The following MIPEP variants were observed in gnomAD, a reference collection of about 807,000 sequenced individuals.
MIPEP encodes the protein mitochondrial intermediate peptidase.
A neutral mutation model predicts 90.3 loss-of-function variants in MIPEP; 79 were observed. That is an observed-to-expected ratio of 0.87 (90% confidence interval 0.73 to 1.05). The LOEUF (loss-of-function observed/expected upper bound fraction) is 1.05, where lower values mean the gene tolerates loss of function less well. Among genes scored for constraint, MIPEP ranks in the 50% least tolerant of loss-of-function variants. MIPEP has a pLI of 0.00. For synonymous variants in MIPEP, 334 were observed against 315.8 expected, an observed-to-expected ratio of 1.06 and a Z score of -0.61; for missense variants, 940 against 905.6, an observed-to-expected ratio of 1.04 and a Z score of -0.49.
Position 23,819,390 on chromosome 13 carries a change from G to A in MIPEP, c.1654-9466C>T, listed in dbSNP as rs191165920. On this transcript the variant is annotated intron_variant, in intron 14 of 18. Coordinates refer to ENST00000382172, the MANE Select transcript of MIPEP (RefSeq NM_005932.4). ...AAGAGGAACCTGATGCTAATCAATC[G>A]GCTTTTTTTTCTGGTGTTCTGTTTC... Among the ~76,000 whole-genome samples the A allele has an allele frequency of 5.4e-4, 82 of 152,232 alleles. 1 individual carries two copies. The highest frequency in any genetic ancestry group is 1.9e-3 in the African/African-American group (77 of 41,542).
chr13:23,861,383 A>C (rs928248568), intron 9 of MIPEP, among the ~76,000 whole-genome samples: 5 of 152,208 alleles, frequency 3.3e-5, no homozygotes, highest in Admixed American at 2.0e-4. Flanking sequence ...AAATAAGCCT[A>C]CCTACCAGGT....
intron 14 of MIPEP, among the ~76,000 whole-genome samples, chr13:23,824,735 G>A (rs1267900178): frequency 6.6e-6 from 1 of 152,144 alleles, no homozygotes; most frequent in African/African-American, 2.4e-5. Context: ...TGTTGGCTAG[G>A]CCCAAGGAGA....
intron 10 of MIPEP, among the ~76,000 whole-genome samples, chr13:23,855,154 A>C (rs949777632): frequency 6.6e-6 from 1 of 152,166 alleles, no homozygotes; most frequent in African/African-American, 2.4e-5. Context: ...TCAAAAATAA[A>C]ATTTAATTTC....
At chr13:23,847,216 T>C (rs1319716728) in intron 10 of MIPEP, among the ~76,000 whole-genome samples, 3 of 152,202 alleles carry the variant, frequency 2.0e-5, no homozygotes, top group African/African-American at 7.2e-5. Context: ...TTTCCCAAAA[T>C]GCTTTCAAGA....
chr13:23,846,729 T>C (rs1021444535), intron 10 of MIPEP, among the ~76,000 whole-genome samples: 16 of 152,208 alleles, frequency 1.1e-4, no homozygotes, highest in African/African-American at 3.6e-4. Flanking sequence ...GTTTTGGATT[T>C]TGAAGCATTT....
intron 7 of MIPEP, among the ~76,000 whole-genome samples, chr13:23,865,340 G>T (rs1870484997): frequency 1.3e-5 from 2 of 152,124 alleles, no homozygotes; most frequent in Admixed American, 6.6e-5. Flanking sequence ...TGAAATAAAA[G>T]ACTAAGGAAA....
At chr13:23,800,638 T>C (rs1347366847) in intron 16 of MIPEP, among the ~76,000 whole-genome samples, 2 of 152,212 alleles carry the variant, frequency 1.3e-5, no homozygotes, top group African/African-American at 4.8e-5. Flanking sequence ...ATCAATAAAT[T>C]GCCGACACTA....
intron 14 of MIPEP, among the ~76,000 whole-genome samples, chr13:23,821,092 A>G (rs1194627300): frequency 1.3e-5 from 2 of 152,194 alleles, no homozygotes; most frequent in South Asian, 2.1e-4. Context: ...ATTTTTTCAG[A>G]TATCACCTAT....
intron 16 of MIPEP, among the ~76,000 whole-genome samples, chr13:23,766,696 C>T (rs921912623): frequency 2.0e-5 from 3 of 152,158 alleles, no homozygotes; most frequent in African/African-American, 7.2e-5. Flanking sequence ...AATAACAGTG[C>T]CCAACAGACA....
At chr13:23,807,449 G>T (rs934066587) in intron 15 of MIPEP, among the ~76,000 whole-genome samples, 60 of 152,090 alleles carry the variant, frequency 3.9e-4, no homozygotes, top group African/African-American at 1.4e-3. Flanking sequence ...GGATTAGTTT[G>T]GTTAAAAGAG....
intron 14 of MIPEP, among the ~76,000 whole-genome samples, chr13:23,815,782 T>G (rs1953226624): frequency 6.6e-6 from 1 of 152,238 alleles, no homozygotes; most frequent in Admixed American, 6.5e-5. Context: ...TCTATTAATA[T>G]CTTCGATATT....
At chr13:23,778,736 G>A (rs1250675715) in intron 16 of MIPEP, among the ~76,000 whole-genome samples, 1 of 112,450 alleles carries the variant, frequency 8.9e-6, no homozygotes, top group Non-Finnish European at 2.0e-5. Flanking sequence ...AATAATACAT[G>A]ACATCTGCTT....
At chr13:23,872,446 A>G (rs1870857989) in intron 5 of MIPEP, among the ~76,000 whole-genome samples, 1 of 152,328 alleles carries the variant, frequency 6.6e-6, no homozygotes, top group Non-Finnish European at 1.5e-5. Context: ...GGGAAACAAG[A>G]GTGAAACTCT....
intron 16 of MIPEP, among the ~76,000 whole-genome samples, chr13:23,774,741 T>C (rs1213329807): frequency 6.6e-6 from 1 of 151,586 alleles, no homozygotes; most frequent in Non-Finnish European, 1.5e-5. Flanking sequence ...TTTTTGCATA[T>C]TGATCTCATA....
intron 16 of MIPEP, among the ~76,000 whole-genome samples, chr13:23,777,122 A>C (rs887704674): frequency 1.3e-5 from 2 of 152,194 alleles, no homozygotes; most frequent in African/African-American, 2.4e-5. Context: ...AAGATGGGTG[A>C]TCTCGTGGCT....
At chr13:23,853,300 A>G (rs1869889923) in intron 10 of MIPEP, among the ~76,000 whole-genome samples, 1 of 152,132 alleles carries the variant, frequency 6.6e-6, no homozygotes, top group Non-Finnish European at 1.5e-5. Context: ...TGCAAGCTCC[A>G]TTTGTGGTAA....
intron 16 of MIPEP, among the ~76,000 whole-genome samples, chr13:23,764,236 T>A (rs1250588410): frequency 2.0e-5 from 3 of 152,190 alleles, no homozygotes; most frequent in Admixed American, 2.0e-4. Context: ...TATTTAAACC[T>A]TCCTTGAGTT....
At chr13:23,845,027 C>T (rs1191100996) in intron 10 of MIPEP, among the ~76,000 whole-genome samples, 1 of 152,112 alleles carries the variant, frequency 6.6e-6, no homozygotes, top group Non-Finnish European at 1.5e-5. Flanking sequence ...TGTATCCTTC[C>T]AGGCATTTCC....
At chr13:23,794,660 C>T (rs1217770688) in intron 16 of MIPEP, among the ~76,000 whole-genome samples, 4 of 151,214 alleles carry the variant, frequency 2.6e-5, no homozygotes, top group Non-Finnish European at 4.4e-5. Context: ...AATTGCAGGC[C>T]GAGAAGAAAA....
Sources: gnomAD v4.1 joint callset for allele counts (sites outside exome capture counted in the v4.1 genomes callset) on GRCh38, gnomAD v4.1.1 for gene constraint, MANE v1.5 for transcripts, NCBI Gene and HGNC (gene_info 2026-07-23, HGNC 2026-07-21) for gene names.